The following ANK1 variants were observed in gnomAD, a reference collection of about 807,000 sequenced individuals.
The protein encoded by ANK1 is ankyrin-1.
A neutral mutation model predicts 210.4 loss-of-function variants in ANK1; 51 were observed. The observed-to-expected ratio is 0.24, with a 90% confidence interval of 0.19 to 0.31. The LOEUF is 0.31. Among genes scored for constraint, ANK1 ranks in the 10% least tolerant of loss-of-function variants. ANK1 has a pLI of 1.00. For synonymous variants in ANK1, 967 were observed against 1,025.9 expected (o/e 0.94, Z 1.10); for missense variants, 2,051 against 2,504.4 (o/e 0.82, Z 3.86).
At chr8:41,681,513 T>G (rs550906278) in intron 37 of ANK1, among the ~76,000 whole-genome samples, 1 of 152,322 alleles carries the variant, frequency 6.6e-6, no homozygotes, top group East Asian at 1.9e-4. Context: ...GGCTTCTAAT[T>G]CCTGGACACC....
At chr8:41,690,134 A>G in intron 33 of ANK1, 93 bp downstream of exon 33, 2 of 1,576,130 alleles carry the variant, frequency 1.3e-6, no homozygotes, top group Non-Finnish European at 1.7e-6. Context: ...ACCAGGAAGA[A>G]GCCCCTTGGA....
intron 40 of ANK1, 109 bp downstream of exon 40, chr8:41,663,550 G>A (rs546646810): frequency 1.8e-6 from 2 of 1,123,938 alleles, no homozygotes; most frequent in East Asian, 2.4e-5. Context: ...CAGCCTGGCT[G>A]TGCTCACCTG....
intron 1 of ANK1, chr8:41,829,461 G>A (rs945000345): frequency 2.6e-5 from 4 of 152,304 alleles, no homozygotes; most frequent in African/African-American, 9.7e-5. Context: ...CAAGGCCACA[G>A]CAGGGAGTGG....
chr8:41,813,882 G>A (rs1056582634), intron 1 of ANK1, among the ~76,000 whole-genome samples: 1 of 152,172 alleles, frequency 6.6e-6, no homozygotes, highest in African/African-American at 2.4e-5. Flanking sequence ...CACATCAGTT[G>A]TTTGTTTTTC....
At chr8:41,779,485 C>T (rs550701739) in intron 1 of ANK1, among the ~76,000 whole-genome samples, 17 of 151,940 alleles carry the variant, frequency 1.1e-4, no homozygotes, top group Non-Finnish European at 2.4e-4. Flanking sequence ...AACTCCTGGC[C>T]TCAAGTGATC....
chr8:41,858,690 G>A (rs896374130), intron 1 of ANK1, among the ~76,000 whole-genome samples: 2 of 152,186 alleles, frequency 1.3e-5, no homozygotes, highest in Non-Finnish European at 2.9e-5. Flanking sequence ...GTAAAATCCA[G>A]GACAAGTTTA....
chr8:41,886,697 G>T (rs1818494779), intron 1 of ANK1, among the ~76,000 whole-genome samples: 1 of 152,206 alleles, frequency 6.6e-6, no homozygotes, highest in South Asian at 2.1e-4. Context: ...AAGTATCAGT[G>T]TACAGCCCAG....
chr8:41,728,712 T>A (rs1171853639), intron 3 of ANK1, among the ~76,000 whole-genome samples: 1 of 152,098 alleles, frequency 6.6e-6, no homozygotes, highest in Non-Finnish European at 1.5e-5. Context: ...CCATAATAAT[T>A]AAAAATAAAA....
chr8:41,891,503 C>T (rs1819447700), intron 1 of ANK1, among the ~76,000 whole-genome samples: 1 of 152,222 alleles, frequency 6.6e-6, no homozygotes. Flanking sequence ...TTGCTCCTCA[C>T]AGTCACCCTT....
chr8:41,683,003 G>T (rs560577092), intron 37 of ANK1, among the ~76,000 whole-genome samples: 1 of 152,132 alleles, frequency 6.6e-6, no homozygotes, highest in Non-Finnish European at 1.5e-5. Context: ...CCGGGCACAC[G>T]CAGCAGGCAG....
chr8:41,696,669 C>T lies in ANK1; in HGVS notation c.2735+7G>A. On this transcript the variant is annotated splice_region_variant and intron_variant, in intron 25 of 42. Transcript: ENST00000289734. ...AGGAGTCCCCGAGCCCTGCGCCCGC[C>T]ACTCACCCTGTATGCACCGGGCTGG... is the stretch of plus-strand genomic sequence containing the variant. 1 of 1,605,004 alleles carries T rather than the reference C, an allele frequency of 6.2e-7. No individual in the cohort carries two copies. Among genetic ancestry groups the T allele is most frequent in the Admixed American group, 1.7e-5 (1 of 60,024 alleles).
At chr8:41,666,460 T>G (rs544786479) in intron 39 of ANK1, among the ~76,000 whole-genome samples, 1 of 152,282 alleles carries the variant, frequency 6.6e-6, no homozygotes, top group African/African-American at 2.4e-5. Context: ...CGGGGAAAAG[T>G]ATGTGCAAAG....
At chr8:41,711,365 G>C (rs1826062892) in intron 16 of ANK1, among the ~76,000 whole-genome samples, 4 of 152,216 alleles carry the variant, frequency 2.6e-5, no homozygotes, top group Admixed American at 2.6e-4. Flanking sequence ...CGAAGGAAGG[G>C]AGGTTGGACA....
At chr8:41,683,256 C>T (rs1474885030) in intron 37 of ANK1, among the ~76,000 whole-genome samples, 2 of 152,182 alleles carry the variant, frequency 1.3e-5, no homozygotes, top group Admixed American at 6.5e-5. Context: ...ACAGGCAGCA[C>T]GATAGCGTGA....
intron 1 of ANK1, among the ~76,000 whole-genome samples, chr8:41,883,007 C>A (rs1402559816): frequency 6.6e-6 from 1 of 152,258 alleles, no homozygotes; most frequent in South Asian, 2.1e-4. Flanking sequence ...ACAGAAAGGG[C>A]ACCTCCTCCC....
chr8:41,663,112 C>CTGTGTGTGTG lies in ANK1; in HGVS notation c.5478+546_5478+547insCACACACACA, dbSNP rs763969947. Among the ~76,000 whole-genome samples the CTGTGTGTGTG allele has an allele frequency of 8.6e-3, 1,112 of 129,544 alleles. 15 individuals are homozygous for CTGTGTGTGTG. Among genetic ancestry groups the CTGTGTGTGTG allele is most frequent in the African/African-American group, 0.03 (1,067 of 35,824 alleles). 85.0% of individuals were successfully genotyped at this position (129,544 alleles called of 152,430 possible). On this transcript the variant is annotated intron_variant, in intron 40 of 42. Transcript: ENST00000289734. Reference sequence around the variant, plus strand: ...TGTGTGTGTGTGTCTCTCTCTCTCTCTCTGTGTGTGTGTGTGTGTGTGTGT... The same window carrying CTGTGTGTGTG: ...TGTGTGTGTGTGTCTCTCTCTCTCTCTGTGTGTGTGTCTGTGTGTGTGTGTGTGTGTGTGT...
At chr8:41,766,453 C>A (rs945322134) in intron 1 of ANK1, among the ~76,000 whole-genome samples, 1 of 152,240 alleles carries the variant, frequency 6.6e-6, no homozygotes, top group Non-Finnish European at 1.5e-5. Flanking sequence ...GCTCCCCAGT[C>A]TGACTACCAT....
At chr8:41,740,557 CA>C (rs1243058916) in intron 2 of ANK1, among the ~76,000 whole-genome samples, 1 of 152,134 alleles carries the variant, frequency 6.6e-6, no homozygotes, top group African/African-American at 2.4e-5. Flanking sequence ...CCTACAGCAG[CA>C]AGTCATTGGC....
Position 41,692,669 on chromosome 8 carries a change from C to T in ANK1, c.3837G>A (p.Val1279=). The T allele has an allele frequency of 6.2e-7, 1 of 1,613,870 alleles. No individual in the cohort carries two copies. Among genetic ancestry groups the T allele is most frequent in the Non-Finnish European group, 8.5e-7 (1 of 1,180,026 alleles). The change falls in exon 31 of 43, where the codon GTG becomes GTA. Residue 1279 remains valine (V), a synonymous_variant. Coordinates refer to ENST00000289734, the MANE Select transcript of ANK1 (RefSeq NM_000037.4). The part of the protein sequence containing the change: ...TLEQHENFVE[V]ARSRDIEVLE... ...TTACCTCTATGTCCCTGCTCCGGGC[C>T]ACCTCCACGAAGTTCTCATGCTGCT...
Sources: gnomAD v4.1 joint callset for allele counts (sites outside exome capture counted in the v4.1 genomes callset) on GRCh38, gnomAD v4.1.1 for gene constraint, MANE v1.5 for transcripts, NCBI Gene and HGNC (gene_info 2026-07-23, HGNC 2026-07-21) for gene names.